The following EXPH5 variants were observed in gnomAD, a reference collection of about 807,000 sequenced individuals.
EXPH5 encodes exophilin 5.
A neutral mutation model predicts 41.1 loss-of-function variants in EXPH5; 42 were observed. The ratio of observed to expected loss-of-function variants is 1.02; its 90% confidence interval spans 0.80 to 1.32. EXPH5 has a LOEUF of 1.32. Among genes scored for constraint, EXPH5 ranks in the 40% most tolerant of loss-of-function variants. The probability of loss-of-function intolerance (pLI) is 0.00; values close to 1 mark genes in which losing one functional copy is unlikely to be tolerated. For synonymous variants in EXPH5, 798 were observed against 833.5 expected (o/e 0.96, Z 0.73); for missense variants, 2,298 against 2,314.5 (o/e 0.99, Z 0.15).
chr11:108,590,178 A>G (rs935293456), intron 1 of EXPH5, among the ~76,000 whole-genome samples: 1 of 152,184 alleles, frequency 6.6e-6, no homozygotes, highest in Non-Finnish European at 1.5e-5. Context: ...GTCACTAACA[A>G]TGTGCAAAAT....
rs1489868785 is a variant in EXPH5, at chr11:108,512,247, T to A, written c.3260A>T (p.Asp1087Val). The A allele has an allele frequency of 1.9e-6, 3 of 1,610,926 alleles. No individual in the cohort carries two copies. The highest frequency in any genetic ancestry group is 2.5e-6 in the Non-Finnish European group (3 of 1,179,052). The change falls in exon 6 of 6, where the codon GAC (aspartate) becomes GTC (valine). Residue 1087 changes from aspartate (D) to valine (V), a missense_variant. Transcript: ENST00000265843. Reference protein sequence around the residue: ...SANECSKVLSDSALEAPEATE... With the variant: ...SANECSKVLSVSALEAPEATE... The stretch of plus-strand genomic sequence containing the variant: ...GGCTTCAGGTGCTTCCAGGGCTGAG[T>A]CTGAAAGGACTTTGGAACATTCATT...
chr11:108,530,655 C>T (rs764405042), intron 3 of EXPH5, among the ~76,000 whole-genome samples: 2 of 152,080 alleles, frequency 1.3e-5, no homozygotes, highest in Admixed American at 6.5e-5. Flanking sequence ...CCCCACAGTC[C>T]GACACTCACC....
Position 108,514,438 on chromosome 11 carries a change from G to A in EXPH5, c.1069C>T (p.Pro357Ser). Residue 357 changes from proline (P) to serine (S), a missense_variant, in exon 6 of 6, where the codon CCA (proline) becomes TCA (serine). Coordinates refer to ENST00000265843, the MANE Select transcript of EXPH5 (RefSeq NM_015065.3). ...TTQSKSGFIPPRHQQSPKRTP... is the reference protein window; with the variant it reads ...TTQSKSGFIPSRHQQSPKRTP... ...CTCTTTGGACTCTGCTGGTGCCTTG[G>A]TGGTATAAACCCACTCTTGCTCTGA... The A allele has an allele frequency of 6.2e-7, 1 of 1,614,090 alleles. No homozygotes were observed.
At position 108,593,698 on chromosome 11, in the gene EXPH5, C is replaced by T; in HGVS notation, c.-162G>A. On this transcript the variant is annotated 5_prime_UTR_variant, in exon 1 of 6. In the 5' UTR this introduces an upstream ATG that the reference lacks. Coordinates refer to ENST00000265843, the MANE Select transcript of EXPH5 (RefSeq NM_015065.3). ...ACCACAAACCTAGGGAACGCCCACA[C>T]CTGAAGGGCTCATATTGACAATACC... 4 of 1,546,164 alleles carry T rather than the reference C, an allele frequency of 2.6e-6. No homozygotes were observed. The highest frequency in any genetic ancestry group is 3.5e-6 in the Non-Finnish European group (4 of 1,148,882).
intron 2 of EXPH5, among the ~76,000 whole-genome samples, chr11:108,540,711 G>A (rs556519451): frequency 1.3e-5 from 2 of 151,978 alleles, no homozygotes; most frequent in African/African-American, 4.8e-5. Flanking sequence ...AATCTATATA[G>A]AAGGCATTTA....
In EXPH5 at chr11:108,559,236, G is replaced by A. The variant is rs563215777; in HGVS notation, c.120-17424C>T. Among the ~76,000 whole-genome samples the A allele has an allele frequency of 5.3e-5, 8 of 152,158 alleles. No homozygotes were observed. In the East Asian group the frequency reaches 1.2e-3, roughly 22 times the overall value. On this transcript the variant is annotated intron_variant, in intron 1 of 5. Transcript: ENST00000265843. Reference sequence around the variant, plus strand: ...GGGAAGAAATATTTGTTGAATAACCGAAAAAATGAATACAAGAGAATGAAA... The same window carrying A: ...GGGAAGAAATATTTGTTGAATAACCAAAAAAATGAATACAAGAGAATGAAA...
chr11:108,559,439 T>C (rs930342605), intron 1 of EXPH5, among the ~76,000 whole-genome samples: 2 of 152,212 alleles, frequency 1.3e-5, no homozygotes, highest in East Asian at 3.8e-4. Flanking sequence ...AAGTCTGGTA[T>C]ACTAGCACAG....
intron 1 of EXPH5, among the ~76,000 whole-genome samples, chr11:108,566,164 T>C (rs1311441913): frequency 6.6e-6 from 1 of 152,238 alleles, no homozygotes; most frequent in Non-Finnish European, 1.5e-5. Context: ...TGAAGAAGGA[T>C]AAGATTAATT....
intron 1 of EXPH5, among the ~76,000 whole-genome samples, chr11:108,553,006 G>A (rs975380074): frequency 1.3e-5 from 2 of 152,080 alleles, no homozygotes; most frequent in Admixed American, 1.3e-4. Flanking sequence ...AACCAGCCTG[G>A]CCAACATGGT....
intron 2 of EXPH5, 51 bp from the exon 3 acceptor site, chr11:108,539,237 T>C (rs2093898951): frequency 3.8e-6 from 5 of 1,315,896 alleles, no homozygotes; most frequent in Admixed American, 4.1e-5. Context: ...CAAGTAAATA[T>C]ACTTGAAAGA....
At chr11:108,600,901 C>T in the EXPH5 span, among the ~76,000 whole-genome samples, 6 of 152,176 alleles carry the variant, frequency 3.9e-5, no homozygotes, top group African/African-American at 1.4e-4. Context: ...TATTCAATGC[C>T]TTCAAACAGG....
In EXPH5 at chr11:108,506,012, CT is replaced by C. The variant is rs1591651572; in HGVS notation, c.*3524del. On this transcript the variant is annotated 3_prime_UTR_variant, in exon 6 of 6. Transcript: ENST00000265843. The stretch of plus-strand genomic sequence containing the variant: ...AAAATTAAAATAACTTCATTAAACC[CT>C]ATTTTAAACAGACTTTACAGTATAA... 1.3e-5 allele frequency: 2 copies of C among 151,976 alleles called. No individual in the cohort carries two copies. The highest frequency in any genetic ancestry group is 6.6e-5 in the Admixed American group (1 of 15,256). The allele number at this position is 151,976 out of a possible 1,614,324, so 9.4% of individuals were successfully genotyped here.
chr11:108,581,276 C>G (rs2094097285), intron 1 of EXPH5, among the ~76,000 whole-genome samples: 1 of 151,468 alleles, frequency 6.6e-6, no homozygotes, highest in African/African-American at 2.4e-5. Flanking sequence ...TGCACTCCAG[C>G]CTGGGCAACA....
At chr11:108,598,390 TGACA>T (rs1278652512), upstream of EXPH5, among the ~76,000 whole-genome samples, 1 of 152,174 alleles carries the variant, frequency 6.6e-6, no homozygotes, top group Non-Finnish European at 1.5e-5. Context: ...TCAGGCTCTG[TGACA>T]GGTGCTGGAA....
chr11:108,511,258 T>A lies in EXPH5; in HGVS notation c.4249A>T (p.Ile1417Phe). The A allele has an allele frequency of 6.2e-7, 1 of 1,608,368 alleles. No individual in the cohort carries two copies. The highest frequency in any genetic ancestry group is 1.7e-4 in the Middle Eastern group (1 of 6,014). ...GAGGGACCACTGTTACTTGAATTAA[T>A]GGATTGTTGACAATTTTCAGATTTT... Reference protein sequence around the residue: ...EEKSENCQQSINSSNSGPSSL... With the variant: ...EEKSENCQQSFNSSNSGPSSL... The change falls in exon 6 of 6, where the codon ATT becomes TTT. Residue 1417 changes from isoleucine to phenylalanine, a missense_variant. Ile to Phe is a conservative substitution (Grantham distance 21). Coordinates refer to ENST00000265843, the MANE Select transcript of EXPH5 (RefSeq NM_015065.3).
chr11:108,579,274 A>G (rs967765644), intron 1 of EXPH5, among the ~76,000 whole-genome samples: 8 of 151,676 alleles, frequency 5.3e-5, no homozygotes, highest in Non-Finnish European at 1.0e-4. Flanking sequence ...AAATGATCAT[A>G]TGGTTTATGC....
At chr11:108,591,078 C>A (rs1453821593) in intron 1 of EXPH5, among the ~76,000 whole-genome samples, 1 of 152,218 alleles carries the variant, frequency 6.6e-6, no homozygotes, top group Non-Finnish European at 1.5e-5. Context: ...CATTTGGACC[C>A]TTATTGTTCT....
chr11:108,559,962 G>C (rs985664929), intron 1 of EXPH5, among the ~76,000 whole-genome samples: 3 of 152,140 alleles, frequency 2.0e-5, no homozygotes, highest in African/African-American at 7.2e-5. Flanking sequence ...CAACATTCTG[G>C]ACTTTGCTTT....
chr11:108,569,507 T>C (rs1027208626), intron 1 of EXPH5, among the ~76,000 whole-genome samples: 3 of 151,766 alleles, frequency 2.0e-5, no homozygotes, highest in Non-Finnish European at 2.9e-5. Flanking sequence ...GCCTGGCTAA[T>C]TTTTGTATTT....
Sources: gnomAD v4.1 joint callset for allele counts (sites outside exome capture counted in the v4.1 genomes callset) on GRCh38, gnomAD v4.1.1 for gene constraint, MANE v1.5 for transcripts, NCBI Gene and HGNC (gene_info 2026-07-23, HGNC 2026-07-21) for gene names.